MAP2K5: variants seen among roughly 807,000 people sequenced by gnomAD.
MAP2K5 encodes the protein mitogen-activated protein kinase kinase 5.
In MAP2K5, 49 loss-of-function variants were observed where a neutral mutation model predicts 83.1. The ratio of observed to expected loss-of-function variants is 0.59; its 90% CI spans 0.47 to 0.75. The LOEUF is 0.75. Among genes scored for constraint, MAP2K5 ranks in the 30% least tolerant of loss-of-function variants. The pLI is 0.00. For missense variants in MAP2K5, 457 were observed against 557.5 expected, an observed-to-expected ratio of 0.82 and a Z score of 1.82; for synonymous variants, 202 against 191.8, an observed-to-expected ratio of 1.05 and a Z score of -0.44.
At chr15:67,752,609 T>C (rs62015183) in intron 19 of MAP2K5, among the ~76,000 whole-genome samples, 15,294 of 148,382 alleles carry the variant, frequency 0.1, 852 homozygotes, top group Admixed American at 0.11. Context: ...ACCCAGGAGG[T>C]GGAGGTTGCA....
chr15:67,736,607 G>A lies in MAP2K5; in HGVS notation c.1074+8662G>A, dbSNP rs1010915893. 6.6e-6 allele frequency among the ~76,000 whole-genome samples: 1 copy of A among 152,018 alleles called. No homozygotes were observed. Among genetic ancestry groups the A allele is most frequent in the African/African-American group, 2.4e-5 (1 of 41,378 alleles). ...TTCCTTTACAGACTTTCTTTTTTGA[G>A]TTATAATTTATCATTCACAATCACC... On this transcript the variant is annotated intron_variant, in intron 17 of 21. Transcript: ENST00000178640. The surrounding 1 kb of genome is among the most constrained non-coding windows in gnomAD (Gnocchi z 4.3).
rs756464762 is a variant in MAP2K5 at position 67,543,516 on chromosome 15, G to A, written c.135+46G>A. On this transcript the variant is annotated intron_variant, in intron 1 of 21. Coordinates refer to ENST00000178640, the MANE Select transcript of MAP2K5 (RefSeq NM_145160.3). This position sits in a 1 kb window ranked among gnomAD's most constrained non-coding sequence, Gnocchi z 4.3. ...CCGGATGCCAGCAAGGGGGACTCAG[G>A]GACTTGAGTAGTCAGCACCTTGACC... 3.1e-6 allele frequency: 5 copies of A among 1,611,574 alleles called. No homozygotes were observed. In the South Asian group the frequency reaches 4.4e-5, roughly 14 times the overall value.
chr15:67,730,396 A>T (rs2089194283), intron 17 of MAP2K5, among the ~76,000 whole-genome samples: 1 of 152,218 alleles, frequency 6.6e-6, no homozygotes, highest in Admixed American at 6.5e-5. Flanking sequence ...TGATTTGCTC[A>T]CTGTTAAAAC....
At chr15:67,647,910 C>T (rs117567673) in intron 11 of MAP2K5, among the ~76,000 whole-genome samples, 11 of 151,694 alleles carry the variant, frequency 7.3e-5, no homozygotes, top group African/African-American at 1.7e-4. Context: ...CATGGTGGTA[C>T]GGGCCTGTAG....
chr15:67,593,942 C>T (rs1185737812), intron 7 of MAP2K5, among the ~76,000 whole-genome samples: 1 of 152,222 alleles, frequency 6.6e-6, no homozygotes, highest in Non-Finnish European at 1.5e-5. Context: ...GTCCTCATGC[C>T]TGTCCTTTAA....
At chr15:67,662,918 C>T (rs2087274631) in intron 12 of MAP2K5, among the ~76,000 whole-genome samples, 1 of 152,038 alleles carries the variant, frequency 6.6e-6, no homozygotes, top group Admixed American at 6.6e-5. Flanking sequence ...TCTTTCCTGC[C>T]CCAATATACT....
At chr15:67,639,262 A>G (rs1234610940) in intron 9 of MAP2K5, among the ~76,000 whole-genome samples, 2 of 152,198 alleles carry the variant, frequency 1.3e-5, no homozygotes, top group Non-Finnish European at 2.9e-5. Context: ...TTTTCCTTAC[A>G]CCACTCTAAT....
At position 67,769,711 on chromosome 15, in the gene MAP2K5, G is replaced by C; in HGVS notation, c.1196+48G>C. The C allele has an allele frequency of 6.3e-7, 1 of 1,588,438 alleles. No homozygotes were observed. Among genetic ancestry groups the C allele is most frequent in the Non-Finnish European group, 8.6e-7 (1 of 1,157,422 alleles). On this transcript the variant is annotated intron_variant, in intron 20 of 21. Coordinates refer to ENST00000178640, the MANE Select transcript of MAP2K5 (RefSeq NM_145160.3). This position sits in a 1 kb window ranked among gnomAD's most constrained non-coding sequence, Gnocchi z 5.2. ...CATGCCCTCAATGTAAATGATACAT[G>C]CCATTAACTCGGCAGCTCCGTGAGA...
At position 67,636,912 on chromosome 15, in the gene MAP2K5, G is replaced by A. The variant is rs1229538957; in HGVS notation, c.585+5985G>A. On this transcript the variant is annotated intron_variant, in intron 9 of 21. Coordinates refer to ENST00000178640, the MANE Select transcript of MAP2K5 (RefSeq NM_145160.3). This position sits in a 1 kb window ranked among gnomAD's most constrained non-coding sequence, Gnocchi z 4.7. ...GCAGACCCACCTGCAATCTGGGTGG[G>A]CACCATCTAATCAGCTGCCAGTGTG... Among the ~76,000 whole-genome samples the A allele has an allele frequency of 6.6e-6, 1 of 152,152 alleles. No individual in the cohort carries two copies. The highest frequency in any genetic ancestry group is 1.5e-5 in the Non-Finnish European group (1 of 68,030).
chr15:67,585,983 G>A, intron 5 of MAP2K5, 53 bp downstream of exon 5: 15 of 1,472,946 alleles, frequency 1.0e-5, no homozygotes, highest in Non-Finnish European at 6.7e-6. Context: ...GTAATGCTGT[G>A]TTCCACTTAT....
Position 67,646,285 on chromosome 15 carries a change from GA to G in MAP2K5, c.643del (p.Ile215PhefsTer19). On this transcript the variant is annotated frameshift_variant, in exon 10 of 22. Coordinates refer to ENST00000178640, the MANE Select transcript of MAP2K5 (RefSeq NM_145160.3). LOFTEE classifies it high-confidence loss of function. ...ELQKQIMSEL[E>X]ILYKCDSSYI... ...TCAGAAGCAAATTATGTCTGAATTG[GA>G]AATTCTTTATAAGGTAATTTTTTCA... is the stretch of plus-strand genomic sequence containing the variant. 1 of 1,457,090 alleles carries G rather than the reference GA, an allele frequency of 6.9e-7. No individual in the cohort carries two copies. Among genetic ancestry groups the G allele is most frequent in the East Asian group, 2.3e-5 (1 of 43,014 alleles). 90.3% of individuals were successfully genotyped at this position (1,457,090 alleles called of 1,614,324 possible). A position where few individuals can be genotyped will look rare whatever the true frequency, so the allele number is the denominator to read the frequency against.
intron 19 of MAP2K5, among the ~76,000 whole-genome samples, chr15:67,754,820 G>T (rs2089800657): frequency 6.6e-6 from 1 of 152,182 alleles, no homozygotes; most frequent in South Asian, 2.1e-4. Context: ...CATCTCAAAT[G>T]CATGCCAAAA....
chr15:67,545,620 T>C (rs1596539662), intron 1 of MAP2K5, among the ~76,000 whole-genome samples: 1 of 152,332 alleles, frequency 6.6e-6, no homozygotes, highest in African/African-American at 2.4e-5. Flanking sequence ...TATGTGATTA[T>C]ATTATTTGGT....
chr15:67,549,847 C>T (rs1290928333), intron 1 of MAP2K5, among the ~76,000 whole-genome samples, 187 bp from the exon 2 acceptor site: 3 of 152,120 alleles, frequency 2.0e-5, no homozygotes, highest in Admixed American at 2.0e-4. Context: ...TATTTTTCTT[C>T]CTGGAATAGA....
rs2086655016 is a variant in MAP2K5 at position 67,638,819 on chromosome 15, A to G, written c.586-7412A>G. On this transcript the variant is annotated intron_variant, in intron 9 of 21. Coordinates refer to ENST00000178640, the MANE Select transcript of MAP2K5 (RefSeq NM_145160.3). This position sits in a 1 kb window ranked among gnomAD's most constrained non-coding sequence, Gnocchi z 4.5. ...GGTTTTGATTTACGTTTCTCAAATG[A>G]TCAGTGATGTTGAGCGTTTTTCCAT... 6.6e-6 allele frequency among the ~76,000 whole-genome samples: 1 copy of G among 152,174 alleles called. No individual in the cohort carries two copies. The highest frequency in any genetic ancestry group is 2.4e-5 in the African/African-American group (1 of 41,442).
chr15:67,726,874 T>G (rs2089107548), intron 16 of MAP2K5, among the ~76,000 whole-genome samples: 1 of 152,212 alleles, frequency 6.6e-6, no homozygotes, highest in Non-Finnish European at 1.5e-5. Flanking sequence ...GCCACTATTT[T>G]CTTTAAATAG....
chr15:67,633,906 A>T (rs537180572), intron 9 of MAP2K5, among the ~76,000 whole-genome samples: 5 of 152,336 alleles, frequency 3.3e-5, no homozygotes, highest in African/African-American at 9.6e-5. Context: ...TGTGTTATTT[A>T]GTTTCCAAAT....
chr15:67,609,425 C>T (rs1296403111), intron 8 of MAP2K5, among the ~76,000 whole-genome samples: 4 of 151,562 alleles, frequency 2.6e-5, no homozygotes, highest in Admixed American at 2.6e-4. Flanking sequence ...TAGACCTATT[C>T]TATAGGTCTA....
At chr15:67,584,593 C>G (rs1001484107) in intron 4 of MAP2K5, among the ~76,000 whole-genome samples, 1 of 142,932 alleles carries the variant, frequency 7.0e-6, no homozygotes, top group Non-Finnish European at 1.5e-5. Flanking sequence ...GGAAAAATAA[C>G]ATAATAAATT....
Sources: allele counts gnomAD v4.1 joint callset (sites outside exome capture counted in the v4.1 genomes callset), GRCh38; gene constraint gnomAD v4.1.1; non-coding constraint Gnocchi (gnomAD v3.1); transcripts MANE v1.5; gene names NCBI Gene and HGNC (gene_info 2026-07-23, HGNC 2026-07-21).